The following NXPH1 variants were observed in gnomAD, a reference collection of about 807,000 sequenced individuals.
NXPH1 encodes the protein neurexophilin 1.
Under a neutral mutation model 23.7 loss-of-function variants are expected in NXPH1, and 5 were observed. The ratio of observed to expected loss-of-function variants is 0.21; its 90% confidence interval spans 0.11 to 0.44. The LOEUF (loss-of-function observed/expected upper bound fraction) is 0.44. Ranked by LOEUF, NXPH1 falls within the 20% of genes least tolerant of loss-of-function variation. The pLI is 0.99. For synonymous variants in NXPH1, 144 were observed against 122.2 expected, an observed-to-expected ratio of 1.18 and a Z score of -1.18; for missense variants, 324 against 321.6, an observed-to-expected ratio of 1.01 and a Z score of -0.06.
At chr7:8,584,585 T>TG (rs1479958786) in intron 2 of NXPH1, among the ~76,000 whole-genome samples, 1 of 152,172 alleles carries the variant, frequency 6.6e-6, no homozygotes, top group Non-Finnish European at 1.5e-5. Flanking sequence ...AAGTATTAAA[T>TG]GGTATCACAG....
intron 2 of NXPH1, among the ~76,000 whole-genome samples, chr7:8,443,047 G>T (rs949296364): frequency 6.6e-6 from 1 of 152,206 alleles, no homozygotes; most frequent in African/African-American, 2.4e-5. Flanking sequence ...CCCCGCTGCC[G>T]CTCCGGCTGG....
chr7:8,589,466 A>G (rs1819046787), intron 2 of NXPH1, among the ~76,000 whole-genome samples: 1 of 152,070 alleles, frequency 6.6e-6, no homozygotes, highest in Non-Finnish European at 1.5e-5. Context: ...TGTGGATGGA[A>G]TCCTGCTGAA....
intron 2 of NXPH1, among the ~76,000 whole-genome samples, chr7:8,711,132 A>G (rs1344914061): frequency 6.6e-6 from 1 of 152,198 alleles, no homozygotes; most frequent in Non-Finnish European, 1.5e-5. Context: ...CTAAAGGGTG[A>G]ACCATTTCCA....
In NXPH1 at chr7:8,435,891, T is replaced by G; in HGVS notation, c.54+124T>G. On this transcript the variant is annotated intron_variant, in intron 2 of 2. Transcript: ENST00000405863. This position sits in a 1 kb window ranked among gnomAD's most constrained non-coding sequence, Gnocchi z 5.9. ...GAGAGCAGCTTCCTAGCAGCTGTGT[T>G]GGAGCAACTTTGGCAAGCTGGTCTC... 1 of 923,440 alleles carries G rather than the reference T, an allele frequency of 1.1e-6. No individual in the cohort carries two copies. The highest frequency in any genetic ancestry group is 1.8e-6 in the Non-Finnish European group (1 of 559,208). The allele number at this position is 923,440 out of a possible 1,614,324, so 57.2% of individuals were successfully genotyped here. A position where few individuals can be genotyped will look rare whatever the true frequency, so the allele number is the denominator to read the frequency against.
rs536337173 is a variant in NXPH1, at chr7:8,563,209, T to A, written c.54+127442T>A. 3.9e-5 allele frequency among the ~76,000 whole-genome samples: 6 copies of A among 151,902 alleles called. No homozygotes were observed. The South Asian group carries it at 1.0e-3, about 26-fold the overall frequency. ...GTTCCTGTTCTAAACTTTGGGTCCT[T>A]GAATTCTTTATCTGATTTCTAGTGT... is the stretch of plus-strand genomic sequence containing the variant. On this transcript the variant is annotated intron_variant, in intron 2 of 2. Transcript: ENST00000405863.
At chr7:8,501,041 G>C (rs1462282308) in intron 2 of NXPH1, among the ~76,000 whole-genome samples, 1 of 152,090 alleles carries the variant, frequency 6.6e-6, no homozygotes, top group African/African-American at 2.4e-5. Context: ...ATTGTGGAAG[G>C]TGTCTTATCC....
chr7:8,570,026 T>G (rs1424050195), intron 2 of NXPH1, among the ~76,000 whole-genome samples: 1 of 151,892 alleles, frequency 6.6e-6, no homozygotes, highest in Non-Finnish European at 1.5e-5. Context: ...CATTCACTCC[T>G]CAATAAAGTG....
chr7:8,469,678 A>T (rs1481194658), intron 2 of NXPH1, among the ~76,000 whole-genome samples: 2 of 152,116 alleles, frequency 1.3e-5, no homozygotes, highest in East Asian at 3.9e-4. Flanking sequence ...CTTTAATTCT[A>T]TCGAATTGTG....
intron 2 of NXPH1, among the ~76,000 whole-genome samples, chr7:8,621,015 T>A (rs892044794): frequency 2.0e-5 from 3 of 152,196 alleles, no homozygotes; most frequent in Non-Finnish European, 4.4e-5. Context: ...ATCAAATAAT[T>A]ATTGTTATGA....
chr7:8,655,419 T>TA (rs1820560285), intron 2 of NXPH1, among the ~76,000 whole-genome samples: 1 of 13,300 alleles, frequency 7.5e-5, no homozygotes, highest in Admixed American at 1.4e-3. Flanking sequence ...TCTCTCTCTC[T>TA]CTCTCTCTCT....
At chr7:8,651,731 T>C (rs952055248) in intron 2 of NXPH1, among the ~76,000 whole-genome samples, 5 of 152,224 alleles carry the variant, frequency 3.3e-5, no homozygotes, top group Admixed American at 1.3e-4. Flanking sequence ...CCTTTTGCCT[T>C]TATCCTATGT....
chr7:8,595,412 C>A lies in NXPH1; in HGVS notation c.55-155596C>A, dbSNP rs146506190. Among the ~76,000 whole-genome samples the A allele has an allele frequency of 3.6e-3, 549 of 151,326 alleles. 3 individuals carry two copies. The highest frequency in any genetic ancestry group is 0.012 in the African/African-American group (515 of 41,250). On this transcript the variant is annotated intron_variant, in intron 2 of 2. Coordinates refer to ENST00000405863, the MANE Select transcript of NXPH1 (RefSeq NM_152745.3). ...AAAATGAACTTAAAGCCATGTTTAC[C>A]GTAAGTTGAAAAGTTGAAAAATGAC...
chr7:8,646,601 G>A (rs1820403228), intron 2 of NXPH1, among the ~76,000 whole-genome samples: 1 of 151,928 alleles, frequency 6.6e-6, no homozygotes, highest in Non-Finnish European at 1.5e-5. Context: ...TCAAGTTCAA[G>A]CATTCTCTTC....
chr7:8,531,395 G>A (rs1367201552), intron 2 of NXPH1, among the ~76,000 whole-genome samples: 1 of 152,150 alleles, frequency 6.6e-6, no homozygotes, highest in African/African-American at 2.4e-5. Context: ...TACATGTACA[G>A]AAACATTGTA....
chr7:8,516,946 T>G (rs1397396309), intron 2 of NXPH1, among the ~76,000 whole-genome samples: 2 of 152,162 alleles, frequency 1.3e-5, no homozygotes, highest in African/African-American at 4.8e-5. Context: ...TTTTGTTTTG[T>G]CCTTTAGGGT....
intron 2 of NXPH1, among the ~76,000 whole-genome samples, chr7:8,750,541 A>G (rs1019769601): frequency 3.9e-5 from 6 of 152,336 alleles, no homozygotes; most frequent in African/African-American, 1.4e-4. Context: ...ATTTTGAAAT[A>G]GAAAAAGAAC....
intron 2 of NXPH1, among the ~76,000 whole-genome samples, chr7:8,549,034 T>G (rs541122756): frequency 3.3e-5 from 5 of 151,656 alleles, no homozygotes; most frequent in Admixed American, 1.3e-4. Context: ...CTTTGTTTAA[T>G]AATTGAAAGA....
chr7:8,452,959 T>A, intron 2 of NXPH1, among the ~76,000 whole-genome samples: 1 of 152,230 alleles, frequency 6.6e-6, no homozygotes, highest in South Asian at 2.1e-4. Flanking sequence ...CCTAGTTTGC[T>A]TTTCTGGGGA....
chr7:8,510,329 T>C (rs866832254), intron 2 of NXPH1, among the ~76,000 whole-genome samples: 1 of 152,144 alleles, frequency 6.6e-6, no homozygotes, highest in African/African-American at 2.4e-5. Context: ...TGAAATACTT[T>C]CACAAACATT....
Sources: allele counts gnomAD v4.1 joint callset (sites outside exome capture counted in the v4.1 genomes callset), GRCh38; gene constraint gnomAD v4.1.1; non-coding constraint Gnocchi (gnomAD v3.1); transcripts MANE v1.5; gene names NCBI Gene and HGNC (gene_info 2026-07-23, HGNC 2026-07-21).